The following CDKL3 variants were observed in gnomAD, a reference collection of about 807,000 sequenced individuals.
CDKL3 encodes cyclin dependent kinase like 3.
Under a neutral mutation model 69.3 loss-of-function variants are expected in CDKL3, and 65 were observed. The ratio of observed to expected loss-of-function variants is 0.94; its 90% CI spans 0.77 to 1.15. The LOEUF is 1.15. CDKL3 is among the 50% of genes most tolerant of loss of function. CDKL3 has a pLI of 0.00. For synonymous variants in CDKL3, 202 were observed against 221.6 expected, an observed-to-expected ratio of 0.91 and a Z score of 0.79; for missense variants, 652 against 689.2, an observed-to-expected ratio of 0.95 and a Z score of 0.61.
upstream of CDKL3, chr5:134,371,472 C>CGCGGCG (rs1431681178): frequency 4.3e-6 from 5 of 1,165,494 alleles, no homozygotes; most frequent in African/African-American, 7.5e-5. Flanking sequence ...GTTTGTCAGT[C>CGCGGCG]TCGGCGGCGG....
chr5:134,301,443 A>G (rs914459834), intron 12 of CDKL3, among the ~76,000 whole-genome samples: 30 of 152,236 alleles, frequency 2.0e-4, no homozygotes, highest in African/African-American at 6.8e-4. Flanking sequence ...CTATCCAAAT[A>G]TTATAGAGAT....
chr5:134,299,151 C>T (rs1319930994), intron 12 of CDKL3, among the ~76,000 whole-genome samples: 1 of 152,144 alleles, frequency 6.6e-6, no homozygotes, highest in Admixed American at 6.6e-5. Flanking sequence ...GGATTACAGG[C>T]GTGAGCCACC....
intron 8 of CDKL3, among the ~76,000 whole-genome samples, chr5:134,290,820 A>T (rs980754581): frequency 1.3e-5 from 2 of 152,060 alleles, no homozygotes; most frequent in African/African-American, 2.4e-5. Flanking sequence ...TATAAGTGTG[A>T]GCCACCACAC....
intron 6 of CDKL3, 77 bp downstream of exon 6, chr5:134,319,281 G>A: frequency 8.9e-7 from 1 of 1,120,124 alleles, no homozygotes; most frequent in Non-Finnish European, 1.2e-6. Flanking sequence ...AGTGAGCCGA[G>A]ATCACTCCAC....
At position 134,306,703 on chromosome 5, in the gene CDKL3, C is replaced by T; in HGVS notation, c.1365-1G>A. 7.0e-7 allele frequency: 1 copy of T among 1,425,260 alleles called. No homozygotes were observed. The highest frequency in any genetic ancestry group is 9.5e-7 in the Non-Finnish European group (1 of 1,051,640). The allele number at this position is 1,425,260 out of a possible 1,614,324, so 88.3% of individuals were successfully genotyped here. A position where few individuals can be genotyped will look rare whatever the true frequency, so the allele number is the denominator to read the frequency against. On this transcript the variant is annotated splice_acceptor_variant, in intron 9 of 12. Transcript: ENST00000265334. LOFTEE classifies it high-confidence loss of function. ...TCTCTTTTTTGCTCTTTCAGTTAAC[C>T]TATTATTTAAAAATGAATGAGAAGT... is the stretch of plus-strand genomic sequence containing the variant.
At chr5:134,286,252 A>G (rs1477608030), downstream of CDKL3, 1 of 152,432 alleles carries the variant, frequency 6.6e-6, no homozygotes, top group Non-Finnish European at 1.5e-5. Context: ...CTAAAACATA[A>G]CAAGAGTCAC....
At chr5:134,367,800 C>A (rs1341472982), upstream of CDKL3, among the ~76,000 whole-genome samples, 1 of 152,114 alleles carries the variant, frequency 6.6e-6, no homozygotes, top group African/African-American at 2.4e-5. Flanking sequence ...TCTAGGAAAG[C>A]AAGTAATTCG....
chr5:134,371,366 C>T (rs905819118), upstream of CDKL3: 10 of 636,982 alleles, frequency 1.6e-5, no homozygotes, highest in Non-Finnish European at 2.4e-5. Flanking sequence ...GGCGCGCTCC[C>T]GCGTCCCGCC....
chr5:134,314,153 A>G (rs1430492499), intron 6 of CDKL3, among the ~76,000 whole-genome samples: 5 of 152,134 alleles, frequency 3.3e-5, no homozygotes, highest in African/African-American at 1.2e-4. Context: ...CTCAAAAACA[A>G]AACAAAACGA....
At chr5:134,364,134 T>C (rs1235723867) in intron 2 of CDKL3, among the ~76,000 whole-genome samples, 2 of 152,222 alleles carry the variant, frequency 1.3e-5, no homozygotes, top group Non-Finnish European at 2.9e-5. Context: ...TTAAAGGATG[T>C]AAATAGATTC....
chr5:134,337,774 A>G (rs1412259955), intron 4 of CDKL3, among the ~76,000 whole-genome samples: 1 of 152,238 alleles, frequency 6.6e-6, no homozygotes, highest in Non-Finnish European at 1.5e-5. Flanking sequence ...CTCAAGCTTC[A>G]TCATGAATTT....
At chr5:134,308,876 A>G in intron 7 of CDKL3, 149 bp from the exon 8 acceptor site, 1 of 702,530 alleles carries the variant, frequency 1.4e-6, no homozygotes, top group Non-Finnish European at 2.1e-6. Context: ...ATGGCCCAAC[A>G]TTTACCTAAT....
chr5:134,371,441 G>A (rs1457242730), upstream of CDKL3: 59 of 956,206 alleles, frequency 6.2e-5, no homozygotes, highest in Non-Finnish European at 8.9e-5. Context: ...AGGCGGCGGA[G>A]GGAGACGTCA....
chr5:134,371,112 AG>A, upstream of CDKL3: 1 of 230,660 alleles, frequency 4.3e-6, no homozygotes, highest in Non-Finnish European at 8.7e-6. Flanking sequence ...ATTGTTGACA[AG>A]GCCGCGGGCA....
intron 3 of CDKL3, among the ~76,000 whole-genome samples, chr5:134,358,910 A>T (rs1755285939): frequency 6.6e-6 from 1 of 152,166 alleles, no homozygotes; most frequent in Non-Finnish European, 1.5e-5. Flanking sequence ...TACTATAGCC[A>T]GCCTACCAGC....
chr5:134,350,213 C>T (rs1417257594), intron 4 of CDKL3, 36 bp downstream of exon 4: 1 of 1,450,168 alleles, frequency 6.9e-7, no homozygotes, highest in South Asian at 1.4e-5. Context: ...AAAGAGATAC[C>T]TAGGAAAGGC....
At chr5:134,318,995 A>C (rs1206375797) in intron 6 of CDKL3, 1 of 155,204 alleles carries the variant, frequency 6.4e-6, no homozygotes, top group Non-Finnish European at 1.4e-5. Context: ...AATTTATGCA[A>C]ATTTCTCAGA....
At chr5:134,355,718 A>AT (rs1466657760) in intron 3 of CDKL3, among the ~76,000 whole-genome samples, 1 of 152,222 alleles carries the variant, frequency 6.6e-6, no homozygotes, top group Non-Finnish European at 1.5e-5. Flanking sequence ...ATCCATAAAT[A>AT]TATGTTATCT....
downstream of CDKL3, among the ~76,000 whole-genome samples, chr5:134,284,700 C>T (rs1764779839): frequency 6.6e-6 from 1 of 152,180 alleles, no homozygotes; most frequent in African/African-American, 2.4e-5. Context: ...AGACCTCCCC[C>T]TGGGAAGGCA....
Sources: gnomAD v4.1 joint callset for allele counts (sites outside exome capture counted in the v4.1 genomes callset) on GRCh38, gnomAD v4.1.1 for gene constraint, MANE v1.5 for transcripts, NCBI Gene and HGNC (gene_info 2026-07-23, HGNC 2026-07-21) for gene names.